Variants in SCARA5 observed in about 807,000 individuals in gnomAD.
The protein encoded by SCARA5 is scavenger receptor class A member 5.
A neutral mutation model predicts 46.3 loss-of-function variants in SCARA5; 45 were observed. That is an observed-to-expected ratio of 0.97 (90% CI 0.76 to 1.24). SCARA5 has a LOEUF of 1.24. Ranked by LOEUF, SCARA5 falls within the 50% of genes most tolerant of loss-of-function variation. The probability of loss-of-function intolerance (pLI) is 0.00; values close to 1 mark genes in which losing one functional copy is unlikely to be tolerated. For missense variants in SCARA5, 680 were observed against 689.0 expected (o/e 0.99, Z 0.15); for synonymous variants, 333 against 306.5 (o/e 1.09, Z -0.90).
At chr8:27,922,417 A>G (rs1210611368) in intron 3 of SCARA5, among the ~76,000 whole-genome samples, 172 bp from the exon 4 acceptor site, 1 of 152,190 alleles carries the variant, frequency 6.6e-6, no homozygotes, top group Non-Finnish European at 1.5e-5. Flanking sequence ...ATTGTGCTAA[A>G]CCAGTGGTCC....
At chr8:27,965,050 C>A (rs1808347473) in intron 3 of SCARA5, among the ~76,000 whole-genome samples, 1 of 152,146 alleles carries the variant, frequency 6.6e-6, no homozygotes, top group South Asian at 2.1e-4. Context: ...CCCTGCTGGC[C>A]CCTGTCCTCT....
intron 3 of SCARA5, among the ~76,000 whole-genome samples, chr8:27,946,700 T>C (rs1020243972): frequency 6.6e-5 from 10 of 152,200 alleles, no homozygotes; most frequent in Admixed American, 2.0e-4. Flanking sequence ...CAGTGGATTA[T>C]GGGTCATTGT....
Position 27,889,900 on chromosome 8 carries a change from C to T in SCARA5, c.1154-10134G>A, listed in dbSNP as rs939306337. ...TGAAGTCCGGGGTGATTCTACTTCC[C>T]GTGCACAGATATGCAGCACTAAAAA... On this transcript the variant is annotated intron_variant, in intron 7 of 8. Coordinates refer to ENST00000354914, the MANE Select transcript of SCARA5 (RefSeq NM_173833.6). 5.3e-5 allele frequency among the ~76,000 whole-genome samples: 8 copies of T among 152,176 alleles called. No individual in the cohort carries two copies. In the South Asian group the frequency reaches 1.0e-3, roughly 20 times the overall value.
intron 3 of SCARA5, among the ~76,000 whole-genome samples, chr8:27,950,225 A>G (rs1808102680): frequency 6.6e-6 from 1 of 152,092 alleles, no homozygotes; most frequent in African/African-American, 2.4e-5. Flanking sequence ...GGACACCCAC[A>G]CGCTCTTTGC....
At position 27,949,359 on chromosome 8, in the gene SCARA5, T is replaced by C. The variant is rs60539226; in HGVS notation, c.241+17055A>G. ...TAATCAGCAACTATTTATTTTCTCC[T>C]ATGAGAACTATCAACCTCGTTGGAC... On this transcript the variant is annotated intron_variant, in intron 3 of 8. Coordinates refer to ENST00000354914, the MANE Select transcript of SCARA5 (RefSeq NM_173833.6). Among the ~76,000 whole-genome samples, 713 of 152,360 alleles carry C rather than the reference T, an allele frequency of 4.7e-3. 9 individuals carry two copies. Among genetic ancestry groups the C allele is most frequent in the African/African-American group, 0.017 (687 of 41,582 alleles).
At position 27,921,587 on chromosome 8, in the gene SCARA5, G is replaced by T; in HGVS notation, c.900C>A (p.Asn300Lys). 1 of 1,560,142 alleles carries T rather than the reference G, an allele frequency of 6.4e-7. No individual in the cohort carries two copies. The highest frequency in any genetic ancestry group is 8.7e-7 in the Non-Finnish European group (1 of 1,149,412). Reference sequence around the variant, plus strand: ...TGGCGGTACCTTTCGCGAGGGAGATGTTCCGCAGTGCGATGGAGTGCTCCC... The same window carrying T: ...TGGCGGTACCTTTCGCGAGGGAGATTTTCCGCAGTGCGATGGAGTGCTCCC... ...KDWEHSIALRNISLAKGPPGP... is the reference protein window; with the variant it reads ...KDWEHSIALRKISLAKGPPGP... Residue 300 changes from asparagine (N) to lysine (K), a missense_variant, in exon 4 of 9, where the codon AAC (asparagine) becomes AAA (lysine). Asn to Lys is a moderately conservative substitution (Grantham distance 94). This residue lies in a region of SCARA5 where 438 missense variants were observed against 384.5 expected (regional missense o/e 1.14). Coordinates refer to ENST00000354914, the MANE Select transcript of SCARA5 (RefSeq NM_173833.6).
At chr8:27,920,216 G>A (rs1446772044) in intron 4 of SCARA5, among the ~76,000 whole-genome samples, 3 of 152,132 alleles carry the variant, frequency 2.0e-5, no homozygotes, top group Non-Finnish European at 4.4e-5. Context: ...GCATTCCATA[G>A]TCCCAGCACT....
chr8:27,955,693 TC>T (rs1299019087), intron 3 of SCARA5, among the ~76,000 whole-genome samples: 1 of 152,210 alleles, frequency 6.6e-6, no homozygotes, highest in Non-Finnish European at 1.5e-5. Flanking sequence ...CCCTTCTGCC[TC>T]CCCCTTTTCC....
At chr8:27,981,616 G>A (rs1270565382) in intron 2 of SCARA5, among the ~76,000 whole-genome samples, 2 of 152,212 alleles carry the variant, frequency 1.3e-5, no homozygotes, top group Non-Finnish European at 2.9e-5. Context: ...CTGAGTTCAC[G>A]CATGCAAGGA....
intron 2 of SCARA5, among the ~76,000 whole-genome samples, chr8:27,986,211 C>G (rs534721705): frequency 6.6e-6 from 1 of 152,346 alleles, no homozygotes; most frequent in East Asian, 1.9e-4. Context: ...CTGGTGTGAG[C>G]CTTACAGAAA....
chr8:27,919,966 G>A (rs2685321), intron 4 of SCARA5, among the ~76,000 whole-genome samples: 51,491 of 149,978 alleles, frequency 0.34, 9,034 homozygotes, highest in East Asian at 0.38. Context: ...TGGGCCATGG[G>A]GAGCCACAGT....
rs1404741481 is a variant in SCARA5 at position 27,871,825 on chromosome 8, G to A, written c.*109C>T. The A allele has an allele frequency of 2.5e-6, 4 of 1,569,824 alleles. No individual in the cohort carries two copies. The highest frequency in any genetic ancestry group is 1.7e-5 in the Admixed American group (1 of 57,442). On this transcript the variant is annotated 3_prime_UTR_variant, in exon 9 of 9. Coordinates refer to ENST00000354914, the MANE Select transcript of SCARA5 (RefSeq NM_173833.6). The stretch of plus-strand genomic sequence containing the variant: ...TGCAGGTGTGAGGACTGAGAATGCT[G>A]GACGGGGTGTGGTCGAGGCATGGTC...
intron 7 of SCARA5, among the ~76,000 whole-genome samples, chr8:27,880,140 G>A (rs1268503973): frequency 2.2e-5 from 2 of 90,140 alleles, no homozygotes; most frequent in African/African-American, 4.5e-5. Flanking sequence ...TTGGCTAGCC[G>A]TATGCAGAAG....
At chr8:27,941,072 T>C (rs1807937375) in intron 3 of SCARA5, among the ~76,000 whole-genome samples, 1 of 152,126 alleles carries the variant, frequency 6.6e-6, no homozygotes, top group African/African-American at 2.4e-5. Flanking sequence ...AGAAAAATTC[T>C]GATGATAACT....
chr8:27,888,972 C>T lies in SCARA5; in HGVS notation c.1154-9206G>A, dbSNP rs150008232. Reference sequence around the variant, plus strand: ...TTTTCTGGAGTGTCAATTCCAGCCTCGGCTTGGAGCTCTCTGCCTCACTGC... The same window carrying T: ...TTTTCTGGAGTGTCAATTCCAGCCTTGGCTTGGAGCTCTCTGCCTCACTGC... On this transcript the variant is annotated intron_variant, in intron 7 of 8. Coordinates refer to ENST00000354914, the MANE Select transcript of SCARA5 (RefSeq NM_173833.6). Among the ~76,000 whole-genome samples the T allele has an allele frequency of 2.4e-3, 363 of 152,286 alleles. 2 individuals are homozygous for T. The highest frequency in any genetic ancestry group is 6.1e-3 in the African/African-American group (252 of 41,558).
At chr8:27,898,896 GA>G in intron 7 of SCARA5, among the ~76,000 whole-genome samples, 1 of 1,182 alleles carries the variant, frequency 8.5e-4, no homozygotes, top group East Asian at 0.5. Flanking sequence ...GTGCAGTGCT[GA>G]ACACAGAACA....
intron 7 of SCARA5, among the ~76,000 whole-genome samples, chr8:27,882,061 G>A (rs565873332): frequency 1.3e-5 from 2 of 152,188 alleles, no homozygotes; most frequent in South Asian, 4.2e-4. Flanking sequence ...CCCTACCCCT[G>A]GCAACCACTG....
At chr8:27,988,859 A>G (rs1808742949) in intron 1 of SCARA5, among the ~76,000 whole-genome samples, 1 of 152,156 alleles carries the variant, frequency 6.6e-6, no homozygotes, top group Non-Finnish European at 1.5e-5. Context: ...GATGGGTCCC[A>G]GGCCCAGTAT....
intron 7 of SCARA5, among the ~76,000 whole-genome samples, chr8:27,898,008 G>T (rs1807092653): frequency 6.6e-6 from 1 of 152,210 alleles, no homozygotes; most frequent in Admixed American, 6.5e-5. Context: ...CAGGGCACGG[G>T]CCCAGCTCTG....
Sources: allele counts gnomAD v4.1 joint callset (sites outside exome capture counted in the v4.1 genomes callset), GRCh38; gene constraint gnomAD v4.1.1; regional missense constraint gnomAD v4.1.1; transcripts MANE v1.5; gene names NCBI Gene and HGNC (gene_info 2026-07-23, HGNC 2026-07-21).